NPSR1: variants seen among roughly 807,000 people sequenced by gnomAD.
The protein encoded by NPSR1 is neuropeptide S receptor.
In NPSR1, 48 loss-of-function variants were observed where a neutral mutation model predicts 46.9. The observed-to-expected ratio is 1.02, with a 90% CI of 0.81 to 1.30. NPSR1 has a LOEUF of 1.30. Ranked by LOEUF, NPSR1 falls within the 50% of genes most tolerant of loss-of-function variation. The pLI is 0.00. For synonymous variants in NPSR1, 176 were observed against 168.1 expected, an observed-to-expected ratio of 1.05 and a Z score of -0.36; for missense variants, 450 against 449.5, an observed-to-expected ratio of 1.00 and a Z score of -0.01.
At chr7:34,690,952 G>GA (rs1385996183) in intron 2 of NPSR1, among the ~76,000 whole-genome samples, 1 of 152,000 alleles carries the variant, frequency 6.6e-6, no homozygotes, top group East Asian at 1.9e-4. Flanking sequence ...CAACATGAAG[G>GA]AAAAAATCCT....
intron 5 of NPSR1, among the ~76,000 whole-genome samples, chr7:34,832,336 C>T (rs1273080304): frequency 1.3e-5 from 2 of 152,134 alleles, no homozygotes; most frequent in African/African-American, 4.8e-5. Context: ...GAGTTCAAGA[C>T]CAGCCTGGCA....
At chr7:34,740,432 T>C (rs1252263392) in intron 2 of NPSR1, among the ~76,000 whole-genome samples, 2 of 151,378 alleles carry the variant, frequency 1.3e-5, no homozygotes, top group Admixed American at 1.3e-4. Context: ...ACTTCTAGTT[T>C]GGTAGCAATT....
At chr7:34,850,831 G>T (rs1033188915), downstream of NPSR1, among the ~76,000 whole-genome samples, 1 of 152,150 alleles carries the variant, frequency 6.6e-6, no homozygotes, top group Non-Finnish European at 1.5e-5. Context: ...TTAGGAGCTA[G>T]GTTCCTGCGG....
At chr7:34,709,827 C>G (rs1783185038) in intron 2 of NPSR1, among the ~76,000 whole-genome samples, 1 of 151,944 alleles carries the variant, frequency 6.6e-6, no homozygotes, top group Admixed American at 6.6e-5. Context: ...TGTCCTAACA[C>G]TCTACTAAGC....
intron 2 of NPSR1, among the ~76,000 whole-genome samples, chr7:34,776,773 C>T (rs1349389880): frequency 2.0e-5 from 3 of 152,174 alleles, no homozygotes; most frequent in East Asian, 3.9e-4. Flanking sequence ...CTTTAGTTAG[C>T]AGGTGATGAA....
intron 2 of NPSR1, among the ~76,000 whole-genome samples, chr7:34,705,711 T>C (rs564944669): frequency 1.3e-5 from 2 of 152,312 alleles, no homozygotes; most frequent in East Asian, 3.9e-4. Flanking sequence ...CTATCTTCTT[T>C]TTATTGCACT....
intron 6 of NPSR1, among the ~76,000 whole-genome samples, chr7:34,841,484 A>G (rs1584131027): frequency 6.6e-6 from 1 of 152,250 alleles, no homozygotes; most frequent in Non-Finnish European, 1.5e-5. Context: ...TGCCACTTTC[A>G]GGCTACCCAA....
At chr7:34,750,891 A>G in intron 2 of NPSR1, 1 of 714,228 alleles carries the variant, frequency 1.4e-6, no homozygotes. Flanking sequence ...CTGCTTCATA[A>G]TGGTGTGAAA....
At chr7:34,746,186 G>T (rs1221072007) in intron 2 of NPSR1, among the ~76,000 whole-genome samples, 1 of 152,054 alleles carries the variant, frequency 6.6e-6, no homozygotes, top group Non-Finnish European at 1.5e-5. Flanking sequence ...ATTTTCCATG[G>T]AGCTTAATTT....
chr7:34,777,993 A>G (rs1467119093), intron 2 of NPSR1, among the ~76,000 whole-genome samples: 1 of 152,152 alleles, frequency 6.6e-6, no homozygotes, highest in African/African-American at 2.4e-5. Flanking sequence ...GAAAACTGGG[A>G]GGAGGGGCAC....
chr7:34,724,282 T>C (rs1784022581), intron 2 of NPSR1, among the ~76,000 whole-genome samples: 1 of 152,256 alleles, frequency 6.6e-6, no homozygotes, highest in South Asian at 2.1e-4. Flanking sequence ...CTAAGAACTC[T>C]GGAGAAAGAA....
downstream of NPSR1, among the ~76,000 whole-genome samples, chr7:34,853,483 C>T (rs546855261): frequency 9.2e-5 from 14 of 152,312 alleles, no homozygotes; most frequent in African/African-American, 3.4e-4. Flanking sequence ...ACCCATGCCT[C>T]ATTTCTCTGC....
intron 2 of NPSR1, among the ~76,000 whole-genome samples, chr7:34,689,070 T>C (rs756148398): frequency 7.2e-5 from 11 of 152,202 alleles, no homozygotes; most frequent in Non-Finnish European, 1.6e-4. Context: ...CTAATGCTTC[T>C]GCCTGCCATT....
At chr7:34,857,960 A>T (rs1471478252) in intron 8 of NPSR1, among the ~76,000 whole-genome samples, 3 of 151,846 alleles carry the variant, frequency 2.0e-5, no homozygotes, top group Non-Finnish European at 4.4e-5. Context: ...TAATCTCATT[A>T]AAAAGCAAGG....
chr7:34,709,192 AGGTTACACTTTTAGGAT>A (rs1229846607), intron 2 of NPSR1, among the ~76,000 whole-genome samples: 1 of 152,042 alleles, frequency 6.6e-6, no homozygotes, highest in Non-Finnish European at 1.5e-5. Context: ...TCCCTGGGGG[AGGTTACACTTTTAGGAT>A]CCCCAGGAAT....
chr7:34,807,075 A>T (rs1232751638), intron 3 of NPSR1, among the ~76,000 whole-genome samples: 2 of 152,096 alleles, frequency 1.3e-5, no homozygotes, highest in African/African-American at 4.8e-5. Flanking sequence ...TTCATTGTTG[A>T]CATTTATGAA....
intron 3 of NPSR1, among the ~76,000 whole-genome samples, chr7:34,791,717 A>C (rs755703126): frequency 4.6e-5 from 7 of 152,126 alleles, no homozygotes; most frequent in Non-Finnish European, 8.8e-5. Flanking sequence ...ATTCAAATTA[A>C]ATCACAAAAG....
intron 2 of NPSR1, among the ~76,000 whole-genome samples, chr7:34,731,702 T>C (rs918203274): frequency 3.9e-5 from 6 of 151,964 alleles, no homozygotes; most frequent in South Asian, 2.1e-4. Context: ...AAAGGAGAGA[T>C]TGGTTTTTCA....
intron 1 of NPSR1, among the ~76,000 whole-genome samples, chr7:34,662,760 G>A (rs1004422911): frequency 7.2e-5 from 11 of 152,014 alleles, no homozygotes; most frequent in African/African-American, 2.7e-4. Context: ...CTGACCCTGG[G>A]TAAACTCTAC....
Sources: allele counts gnomAD v4.1 joint callset (sites outside exome capture counted in the v4.1 genomes callset), GRCh38; gene constraint gnomAD v4.1.1; transcripts MANE v1.5; gene names NCBI Gene and HGNC (gene_info 2026-07-23, HGNC 2026-07-21).